DMXL2: variants seen among roughly 807,000 people sequenced by gnomAD.
The protein encoded by DMXL2 is Dmx like 2.
Under a neutral mutation model 331.1 loss-of-function variants are expected in DMXL2, and 103 were observed. The observed-to-expected ratio is 0.31, with a 90% CI of 0.27 to 0.37. The LOEUF (loss-of-function observed/expected upper bound fraction) is 0.37, where lower values mean the gene tolerates loss of function less well. Ranked by LOEUF, DMXL2 falls within the 10% of genes least tolerant of loss-of-function variation. The pLI is 1.00. For missense variants in DMXL2, 3,171 were observed against 3,642.9 expected, an observed-to-expected ratio of 0.87 and a Z score of 3.33; for synonymous variants, 1,281 against 1,252.1, an observed-to-expected ratio of 1.02 and a Z score of -0.49.
chr15:51,589,669 T>C (rs1239658836), intron 1 of DMXL2, among the ~76,000 whole-genome samples: 1 of 152,206 alleles, frequency 6.6e-6, no homozygotes, highest in Non-Finnish European at 1.5e-5. Context: ...TGCAAGGCTT[T>C]TGAGCATTAG....
chr15:51,616,476 T>C (rs968074401), intron 1 of DMXL2, among the ~76,000 whole-genome samples: 1 of 152,224 alleles, frequency 6.6e-6, no homozygotes. Context: ...AGAGTGAATA[T>C]AGTCATGTCA....
chr15:51,471,244 C>T lies in DMXL2; in HGVS notation c.7371G>A (p.Met2457Ile), dbSNP rs1470555977. ...TTACCTTTGCAACAAAATAATCCCACATACTAAGTTCGGGAGGAATAAATT... is the reference window on the plus strand; with the variant it reads ...TTACCTTTGCAACAAAATAATCCCATATACTAAGTTCGGGAGGAATAAATT... ...KEKFIPPELSMWDYFVAKPFL... is the reference protein window; with the variant it reads ...KEKFIPPELSIWDYFVAKPFL... The change falls in exon 29 of 44, where the codon ATG becomes ATA. Residue 2457 changes from methionine (M) to isoleucine (I), a missense_variant. Around this residue, in one of 7 missense-constraint regions of DMXL2, gnomAD observed 766 missense variants for 940.5 expected, o/e 0.81. Transcript: ENST00000560891. 1.2e-6 allele frequency: 2 copies of T among 1,613,814 alleles called. No homozygotes were observed. The highest frequency in any genetic ancestry group is 1.1e-5 in the South Asian group (1 of 91,058).
intron 6 of DMXL2, among the ~76,000 whole-genome samples, chr15:51,556,069 C>T (rs372630558): frequency 5.3e-5 from 8 of 152,104 alleles, no homozygotes; most frequent in East Asian, 3.9e-4. Context: ...TCAGGCCGGG[C>T]GCGGTGGCTC....
intron 1 of DMXL2, among the ~76,000 whole-genome samples, chr15:51,580,951 T>C (rs1043153470): frequency 1.3e-5 from 2 of 151,846 alleles, no homozygotes; most frequent in African/African-American, 2.4e-5. Flanking sequence ...AAGTCATAGA[T>C]GGCCTCAGTA....
chr15:51,544,603 G>C (rs1332728651), intron 8 of DMXL2, among the ~76,000 whole-genome samples: 1 of 152,132 alleles, frequency 6.6e-6, no homozygotes, highest in Non-Finnish European at 1.5e-5. Context: ...ACTTGTCAAA[G>C]TTGTATAATA....
At chr15:51,450,579 AAAAG>A (rs774713477) in intron 42 of DMXL2, 2 of 503,358 alleles carry the variant, frequency 4.0e-6, no homozygotes, top group Non-Finnish European at 7.2e-6. Context: ...CACAGAGAGA[AAAAG>A]AAAGTTTAAA....
At chr15:51,483,590 T>TA (rs2042173706) in intron 23 of DMXL2, among the ~76,000 whole-genome samples, 1 of 152,178 alleles carries the variant, frequency 6.6e-6, no homozygotes, top group South Asian at 2.1e-4. Flanking sequence ...GAGCAGCTGA[T>TA]ATGCCCCCAG....
intron 15 of DMXL2, among the ~76,000 whole-genome samples, chr15:51,512,074 G>A (rs28431083): frequency 0.44 from 67,303 of 151,830 alleles, 15,487 homozygotes; most frequent in Non-Finnish European, 0.5. Context: ...ATAGCATTAG[G>A]AGAAATACCT....
intron 1 of DMXL2, among the ~76,000 whole-genome samples, chr15:51,589,310 G>A (rs1380156108): frequency 6.6e-6 from 1 of 152,194 alleles, no homozygotes; most frequent in Non-Finnish European, 1.5e-5. Context: ...AGAAAGACCT[G>A]TAAGAAAACA....
In DMXL2 at chr15:51,498,759, T is replaced by C; in HGVS notation, c.4465A>G (p.Arg1489Gly). The C allele has an allele frequency of 6.2e-7, 1 of 1,614,182 alleles. No homozygotes were observed. The change falls in exon 18 of 44, where the codon AGA (arginine) becomes GGA (glycine). Residue 1489 changes from arginine to glycine, a missense_variant. Around this residue, in one of 7 missense-constraint regions of DMXL2, gnomAD observed 1,674 missense variants for 1,780.2 expected, o/e 0.94. Coordinates refer to ENST00000560891, the MANE Select transcript of DMXL2 (RefSeq NM_001378457.1). ...TDDIDLEPEK[R>G]ENKSKVINLS... The stretch of plus-strand genomic sequence containing the variant: ...TTTATTACTTTTGATTTGTTTTCTC[T>C]CTTTTCAGGCTCTAAATCAATATCA...
chr15:51,452,381 TATATCTA>T (rs1261220486), intron 41 of DMXL2, among the ~76,000 whole-genome samples: 1 of 151,988 alleles, frequency 6.6e-6, no homozygotes, highest in African/African-American at 2.4e-5. Flanking sequence ...ACAAGGGACT[TATATCTA>T]GAATCTACAA....
intron 32 of DMXL2, among the ~76,000 whole-genome samples, chr15:51,464,199 T>C (rs950913930): frequency 3.9e-5 from 6 of 152,178 alleles, no homozygotes; most frequent in Non-Finnish European, 8.8e-5. Context: ...CCTAGGAGTT[T>C]GAGACCAGTG....
At chr15:51,537,202 G>A (rs958027360) in intron 11 of DMXL2, among the ~76,000 whole-genome samples, 4 of 152,114 alleles carry the variant, frequency 2.6e-5, no homozygotes, top group African/African-American at 9.7e-5. Flanking sequence ...CATTTTCAGG[G>A]TAGTTTCTTA....
chr15:51,474,217 T>C (rs896179706), intron 28 of DMXL2, 127 bp downstream of exon 28: 17 of 841,266 alleles, frequency 2.0e-5, no homozygotes, highest in Admixed American at 8.9e-5. Context: ...TTTGCTGTCA[T>C]AACAAGAGTG....
intron 6 of DMXL2, among the ~76,000 whole-genome samples, chr15:51,549,962 G>C (rs2049113045): frequency 6.6e-6 from 1 of 151,694 alleles, no homozygotes; most frequent in African/African-American, 2.4e-5. Flanking sequence ...CTCCAGGAAA[G>C]GACATGACAA....
intron 1 of DMXL2, among the ~76,000 whole-genome samples, chr15:51,591,110 A>C (rs1567159871): frequency 6.6e-6 from 1 of 152,226 alleles, no homozygotes. Context: ...CAGTGCACCG[A>C]ACGTGAACCG....
intron 23 of DMXL2, 110 bp downstream of exon 23, chr15:51,485,963 A>G (rs930790158): frequency 1.3e-5 from 15 of 1,191,878 alleles, no homozygotes; most frequent in Non-Finnish European, 5.7e-6. Context: ...TAAATTCTCA[A>G]AGTTGAAAAG....
At chr15:51,482,977 T>C (rs2042123332) in intron 23 of DMXL2, among the ~76,000 whole-genome samples, 1 of 152,036 alleles carries the variant, frequency 6.6e-6, no homozygotes, top group African/African-American at 2.4e-5. Flanking sequence ...AGTGTGGAGG[T>C]ACCCGGCCTC....
Position 51,480,781 on chromosome 15 carries a change from G to C in DMXL2, c.6325C>G (p.Leu2109Val), listed in dbSNP as rs1250446437. The C allele has an allele frequency of 1.2e-5, 20 of 1,602,776 alleles. No individual in the cohort carries two copies. The highest frequency in any genetic ancestry group is 1.7e-5 in the Non-Finnish European group (20 of 1,172,696). Residue 2109 changes from leucine to valine, a missense_variant, in exon 24 of 44, where the codon CTG (leucine) becomes GTG (valine). Transcript: ENST00000560891. ...TCTACCATTTCTTCCTGATCCAGCAGATCACTCTCTACTTTGGAATATGTC... is the reference window on the plus strand; with the variant it reads ...TCTACCATTTCTTCCTGATCCAGCACATCACTCTCTACTTTGGAATATGTC... ...SKTYSKVESD[L>V]LDQEEMVDKP... is the part of the protein sequence containing the mutation.
Sources: allele counts gnomAD v4.1 joint callset (sites outside exome capture counted in the v4.1 genomes callset), GRCh38; gene constraint gnomAD v4.1.1; regional missense constraint gnomAD v4.1.1; transcripts MANE v1.5; gene names NCBI Gene and HGNC (gene_info 2026-07-23, HGNC 2026-07-21).